Variants in NLGN4Y observed in about 807,000 individuals in gnomAD.
NLGN4Y encodes neuroligin 4 Y-linked, also known as neuroligin-4, Y-linked.
In NLGN4Y, 4 loss-of-function variants were observed where a neutral mutation model predicts 8.4. The observed-to-expected ratio is 0.48, with a 90% CI of 0.23 to 1.09. The LOEUF (loss-of-function observed/expected upper bound fraction) is 1.09. Ranked by LOEUF, NLGN4Y falls within the 50% of genes least tolerant of loss-of-function variation. NLGN4Y has a pLI of 0.19. For missense variants in NLGN4Y, 90 were observed against 192.3 expected (o/e 0.47, Z 3.15); for synonymous variants, 35 against 75.6 (o/e 0.46, Z 2.78).
chrY:14,633,485 G>A (rs2080555581), intron 2 of NLGN4Y, among the ~76,000 whole-genome samples: 1 of 32,897 alleles, frequency 3.0e-5, no homozygotes, highest in Non-Finnish European at 7.4e-5. Flanking sequence ...CTGCCACCAC[G>A]TCCAGCAAAT....
intron 2 of NLGN4Y, among the ~76,000 whole-genome samples, chrY:14,675,968 C>T (rs914432108): frequency 3.0e-5 from 1 of 33,237 alleles, no homozygotes; most frequent in African/African-American, 1.2e-4. Flanking sequence ...TACACTCTCT[C>T]CTCATCAAGG....
chrY:14,621,010 C>G, intron 1 of NLGN4Y, among the ~76,000 whole-genome samples: 1 of 33,277 alleles, frequency 3.0e-5, no homozygotes, highest in Non-Finnish European at 7.4e-5. Flanking sequence ...TGCATCAACA[C>G]TTTTAGTTAT....
chrY:14,625,954 G>T (rs2080526010), intron 2 of NLGN4Y, among the ~76,000 whole-genome samples: 1 of 34,042 alleles, frequency 2.9e-5, no homozygotes, highest in African/African-American at 1.1e-4. Flanking sequence ...AGTCCAGGGT[G>T]TCTTGGGGAA....
intron 4 of NLGN4Y, among the ~76,000 whole-genome samples, chrY:14,777,964 G>A: frequency 3.3e-5 from 1 of 30,418 alleles, no homozygotes; most frequent in East Asian, 8.4e-4. Flanking sequence ...CCCTGGAGTT[G>A]GAGGTTGCAG....
At chrY:14,646,889 G>A in intron 2 of NLGN4Y, among the ~76,000 whole-genome samples, 1 of 34,056 alleles carries the variant, frequency 2.9e-5, no homozygotes, top group Non-Finnish European at 7.3e-5. Context: ...GTTGGTGTGC[G>A]TGAATTGTCT....
chrY:14,821,820 T>C (rs1033532476), intron 4 of NLGN4Y, among the ~76,000 whole-genome samples: 2 of 34,219 alleles, frequency 5.8e-5, no homozygotes, highest in African/African-American at 2.3e-4. Flanking sequence ...AACCTGCTGG[T>C]CTTTCATTAG....
At chrY:14,656,721 CT>C (rs777403348) in intron 2 of NLGN4Y, among the ~76,000 whole-genome samples, 1,499 of 20,101 alleles carry the variant, frequency 0.075, no homozygotes, top group African/African-American at 0.37. Flanking sequence ...GTGTATTAAG[CT>C]TTTTTTTTTT....
At chrY:14,616,573 G>T (rs2080489766) in intron 1 of NLGN4Y, among the ~76,000 whole-genome samples, 1 of 32,824 alleles carries the variant, frequency 3.0e-5, no homozygotes, top group African/African-American at 1.2e-4. Context: ...TCCCTTGTGG[G>T]CATTTAGTGC....
chrY:14,563,135 G>A (rs2080240404), intron 1 of NLGN4Y, among the ~76,000 whole-genome samples: 1 of 33,969 alleles, frequency 2.9e-5, no homozygotes, highest in Non-Finnish European at 7.3e-5. Context: ...TTTTCAAAGG[G>A]AATGCTTCCA....
rs540932018 is a variant in NLGN4Y, at chrY:14,739,199, C to A, written c.685+15930C>A. Among the ~76,000 whole-genome samples, 13 of 32,478 alleles carry A rather than the reference C, an allele frequency of 4.0e-4. No homozygotes were observed. In the South Asian group the frequency reaches 9.2e-3, roughly 23 times the overall value. 87.1% of individuals were successfully genotyped at this position (32,478 alleles called of 37,273 possible). ...CTCATTACAGCCTCCAACTCCTGGG[C>A]TCAAACAATCCTCCCACCTCAGCCT... is the stretch of plus-strand genomic sequence containing the variant. On this transcript the variant is annotated intron_variant, in intron 4 of 6. Coordinates refer to ENST00000684976, the MANE Select transcript of NLGN4Y (RefSeq NM_001365588.1).
chrY:14,761,586 A>G, intron 4 of NLGN4Y, among the ~76,000 whole-genome samples: 1 of 33,826 alleles, frequency 3.0e-5, no homozygotes, highest in South Asian at 6.6e-4. Context: ...CAGTCTATCT[A>G]TTGAATGTCA....
At chrY:14,750,423 A>G (rs1603503513) in intron 4 of NLGN4Y, among the ~76,000 whole-genome samples, 1 of 33,050 alleles carries the variant, frequency 3.0e-5, no homozygotes, top group Non-Finnish European at 7.4e-5. Context: ...CAGACCACCA[A>G]TGTTAGCCTT....
chrY:14,587,787 A>T, intron 1 of NLGN4Y, among the ~76,000 whole-genome samples: 2 of 32,666 alleles, frequency 6.1e-5, no homozygotes, highest in African/African-American at 2.4e-4. Flanking sequence ...TGGTGGTCTC[A>T]TATTCATATT....
chrY:14,616,048 T>C (rs2080487664), intron 1 of NLGN4Y, among the ~76,000 whole-genome samples: 1 of 33,324 alleles, frequency 3.0e-5, no homozygotes, highest in African/African-American at 1.2e-4. Context: ...GTACCTCTGG[T>C]AGAATTCAGC....
At chrY:14,727,682 G>T (rs746112538) in intron 4 of NLGN4Y, among the ~76,000 whole-genome samples, 26 of 33,464 alleles carry the variant, frequency 7.8e-4, no homozygotes, top group Admixed American at 2.2e-3. Context: ...AAAAGAAAAT[G>T]TAGGAGAGAC....
intron 2 of NLGN4Y, among the ~76,000 whole-genome samples, chrY:14,713,758 A>C (rs2080906553): frequency 2.9e-5 from 1 of 33,982 alleles, no homozygotes; most frequent in Non-Finnish European, 7.3e-5. Flanking sequence ...ATTATTTACA[A>C]AGTGTTTCTC....
chrY:14,694,949 T>C, intron 2 of NLGN4Y, among the ~76,000 whole-genome samples: 1 of 33,881 alleles, frequency 3.0e-5, no homozygotes, highest in Non-Finnish European at 7.3e-5. Context: ...ACCTCAGTCA[T>C]GGGCTTTCCA....
At chrY:14,805,058 T>C (rs768629722) in intron 4 of NLGN4Y, among the ~76,000 whole-genome samples, 1 of 33,399 alleles carries the variant, frequency 3.0e-5, no homozygotes, top group African/African-American at 1.2e-4. Context: ...TCAATGGTTG[T>C]TCTGACGTGT....
chrY:14,585,484 A>T, intron 1 of NLGN4Y, among the ~76,000 whole-genome samples: 1 of 33,134 alleles, frequency 3.0e-5, no homozygotes, highest in Admixed American at 2.7e-4. Flanking sequence ...ACCAAAAAAA[A>T]CCTGCATGTG....
Sources: allele counts gnomAD v4.1 joint callset (sites outside exome capture counted in the v4.1 genomes callset), GRCh38; gene constraint gnomAD v4.1.1; transcripts MANE v1.5; gene names NCBI Gene and HGNC (gene_info 2026-07-23, HGNC 2026-07-21).